PDGFD: variants seen among roughly 807,000 people sequenced by gnomAD.
PDGFD encodes platelet-derived growth factor D.
Under a neutral mutation model 44.7 loss-of-function variants are expected in PDGFD, and 30 were observed. The observed-to-expected ratio is 0.67, with a 90% CI of 0.50 to 0.91. PDGFD has a LOEUF of 0.91. PDGFD is among the 40% of genes least tolerant of loss of function. The pLI, the probability that PDGFD is intolerant of heterozygous loss-of-function variation, is 0.00. For missense variants in PDGFD, 445 were observed against 457.8 expected (o/e 0.97, Z 0.25); for synonymous variants, 173 against 168.4 (o/e 1.03, Z -0.21).
chr11:104,005,219 G>T (rs1428671653), intron 1 of PDGFD, among the ~76,000 whole-genome samples: 2 of 152,206 alleles, frequency 1.3e-5, no homozygotes, highest in Non-Finnish European at 2.9e-5. Flanking sequence ...GGGGAAGAGA[G>T]AGGTCTAGTA....
intron 3 of PDGFD, among the ~76,000 whole-genome samples, chr11:103,977,810 A>G (rs1291245781): frequency 6.6e-6 from 1 of 152,198 alleles, no homozygotes; most frequent in East Asian, 1.9e-4. Context: ...AATGGGATCT[A>G]ATATGTACAG....
rs953478198 is a variant in PDGFD, at chr11:104,063,260, A to C, written c.125-63005T>G. On this transcript the variant is annotated intron_variant, in intron 1 of 6. Coordinates refer to ENST00000393158, the MANE Select transcript of PDGFD (RefSeq NM_025208.5). Reference sequence around the variant, plus strand: ...TTAAGGTAAAACAGGAAATCTCTATAAGAGTCCTTTACTGATTCATCTTAC... The same window carrying C: ...TTAAGGTAAAACAGGAAATCTCTATCAGAGTCCTTTACTGATTCATCTTAC... Among the ~76,000 whole-genome samples the C allele has an allele frequency of 2.6e-5, 4 of 152,002 alleles. No individual in the cohort carries two copies. The East Asian group carries it at 7.7e-4, about 29-fold the overall frequency.
intron 1 of PDGFD, among the ~76,000 whole-genome samples, chr11:104,098,256 T>A (rs992329781): frequency 3.9e-5 from 6 of 152,156 alleles, no homozygotes; most frequent in African/African-American, 1.4e-4. Context: ...ACACCACAGC[T>A]ACCCTGGTTC....
At chr11:104,158,934 C>T (rs1862349444) in intron 1 of PDGFD, among the ~76,000 whole-genome samples, 1 of 151,884 alleles carries the variant, frequency 6.6e-6, no homozygotes, top group Non-Finnish European at 1.5e-5. Context: ...GCGGGTGGAT[C>T]ACGAGGTCAG....
chr11:104,073,034 A>G (rs1860903557), intron 1 of PDGFD, among the ~76,000 whole-genome samples: 1 of 152,076 alleles, frequency 6.6e-6, no homozygotes, highest in South Asian at 2.1e-4. Context: ...AAAAATCACA[A>G]CATTGGCTTT....
chr11:104,113,542 A>T (rs2134454455), intron 1 of PDGFD, among the ~76,000 whole-genome samples: 1 of 151,302 alleles, frequency 6.6e-6, no homozygotes, highest in Admixed American at 6.6e-5. Context: ...GTTGCTTCCA[A>T]GTTTTGGCAA....
At chr11:104,160,860 T>C (rs1479542543) in intron 1 of PDGFD, among the ~76,000 whole-genome samples, 1 of 152,152 alleles carries the variant, frequency 6.6e-6, no homozygotes, top group Non-Finnish European at 1.5e-5. Flanking sequence ...CTTCTTATAA[T>C]GGGTAGAAGC....
chr11:104,057,894 A>G (rs1037379188), intron 1 of PDGFD, among the ~76,000 whole-genome samples: 3 of 152,226 alleles, frequency 2.0e-5, no homozygotes, highest in Non-Finnish European at 4.4e-5. Flanking sequence ...TTTGCAATAA[A>G]GATGTCAAAA....
At chr11:103,958,589 C>T (rs1472519804) in intron 3 of PDGFD, among the ~76,000 whole-genome samples, 1 of 152,186 alleles carries the variant, frequency 6.6e-6, no homozygotes, top group African/African-American at 2.4e-5. Context: ...CTTGCAAGCA[C>T]AGTGCCTGGT....
At chr11:104,158,379 T>C (rs1862338430) in intron 1 of PDGFD, among the ~76,000 whole-genome samples, 1 of 152,182 alleles carries the variant, frequency 6.6e-6, no homozygotes, top group Admixed American at 6.5e-5. Flanking sequence ...AGAATGCATC[T>C]GAAAGATATG....
intron 1 of PDGFD, among the ~76,000 whole-genome samples, chr11:104,036,309 T>C (rs1860231194): frequency 6.6e-6 from 1 of 151,840 alleles, no homozygotes; most frequent in Non-Finnish European, 1.5e-5. Flanking sequence ...CCGGGCATGG[T>C]AGACTGTGCC....
intron 6 of PDGFD, among the ~76,000 whole-genome samples, chr11:103,916,725 T>C (rs537770107): frequency 6.6e-6 from 1 of 152,308 alleles, no homozygotes; most frequent in Non-Finnish European, 1.5e-5. Context: ...AAAGAAAACA[T>C]GGCACATATA....
At chr11:103,987,239 G>T (rs936784343) in intron 3 of PDGFD, among the ~76,000 whole-genome samples, 1 of 152,070 alleles carries the variant, frequency 6.6e-6, no homozygotes, top group African/African-American at 2.4e-5. Flanking sequence ...TCAAAGCAGC[G>T]GGTAAGGTGA....
chr11:103,959,348 A>C (rs749182335), intron 3 of PDGFD, among the ~76,000 whole-genome samples: 8 of 152,194 alleles, frequency 5.3e-5, no homozygotes, highest in Non-Finnish European at 1.0e-4. Context: ...CAAGTAATTC[A>C]AAGTACCTTT....
At chr11:104,021,304 G>A (rs1218405790) in intron 1 of PDGFD, among the ~76,000 whole-genome samples, 1 of 152,126 alleles carries the variant, frequency 6.6e-6, no homozygotes, top group Non-Finnish European at 1.5e-5. Flanking sequence ...AATTTTAAGT[G>A]TATGATATGA....
At chr11:103,984,176 T>A in intron 3 of PDGFD, among the ~76,000 whole-genome samples, 1 of 151,668 alleles carries the variant, frequency 6.6e-6, no homozygotes, top group East Asian at 1.9e-4. Flanking sequence ...TCATCAATGT[T>A]AGATTGGATA....
chr11:103,982,125 G>T (rs982771723), intron 3 of PDGFD, among the ~76,000 whole-genome samples: 1 of 151,628 alleles, frequency 6.6e-6, no homozygotes, highest in African/African-American at 2.4e-5. Flanking sequence ...TGCCCAGTAG[G>T]CCCTGGAACA....
intron 1 of PDGFD, among the ~76,000 whole-genome samples, chr11:104,117,847 T>A (rs1861664549): frequency 6.6e-6 from 1 of 151,932 alleles, no homozygotes; most frequent in African/African-American, 2.4e-5. Flanking sequence ...CTCATCAAAA[T>A]ACCACCATCA....
At chr11:103,913,028 AT>A (rs1289501610) in intron 6 of PDGFD, among the ~76,000 whole-genome samples, 1 of 152,126 alleles carries the variant, frequency 6.6e-6, no homozygotes, top group Non-Finnish European at 1.5e-5. Flanking sequence ...CCACACAATA[AT>A]AGTGGGAGTC....
Sources: gnomAD v4.1 joint callset for allele counts (sites outside exome capture counted in the v4.1 genomes callset) on GRCh38, gnomAD v4.1.1 for gene constraint, MANE v1.5 for transcripts, NCBI Gene and HGNC (gene_info 2026-07-23, HGNC 2026-07-21) for gene names.